DNAH9: variants seen among roughly 807,000 people sequenced by gnomAD.
DNAH9 encodes the protein dynein axonemal heavy chain 9.
Under a neutral mutation model 471.6 loss-of-function variants are expected in DNAH9, and 345 were observed. The observed-to-expected ratio is 0.73, with a 90% CI of 0.67 to 0.80. The LOEUF is 0.80. Ranked by LOEUF, DNAH9 falls within the 30% of genes least tolerant of loss-of-function variation. The pLI, the probability that DNAH9 is intolerant of heterozygous loss-of-function variation, is 0.00. For missense variants in DNAH9, 5,407 were observed against 5,609.2 expected (o/e 0.96, Z 1.15); for synonymous variants, 2,093 against 2,123.6 (o/e 0.99, Z 0.40).
chr17:11,679,104 C>A (rs924587219), intron 17 of DNAH9, among the ~76,000 whole-genome samples: 11 of 151,958 alleles, frequency 7.2e-5, no homozygotes, highest in African/African-American at 2.4e-4. Context: ...ACATTTTAAG[C>A]CTTCTCTTTT....
intron 55 of DNAH9, chr17:11,882,807 G>A (rs1972771871): frequency 2.2e-6 from 1 of 460,426 alleles, no homozygotes; most frequent in Non-Finnish European, 2.9e-6. Flanking sequence ...GTTGGCATCT[G>A]AGCTAATTCC....
intron 61 of DNAH9, among the ~76,000 whole-genome samples, chr17:11,916,443 G>A (rs1385376091): frequency 6.6e-6 from 1 of 152,156 alleles, no homozygotes; most frequent in Non-Finnish European, 1.5e-5. Flanking sequence ...TTGGTGCTTT[G>A]ATTTATTTTC....
At chr17:11,793,740 A>C in intron 42 of DNAH9, 76 bp downstream of exon 42, 5 of 1,223,286 alleles carry the variant, frequency 4.1e-6, no homozygotes, top group Non-Finnish European at 5.7e-6. Context: ...CCCAATGATA[A>C]AATCTAGCTG....
At chr17:11,678,772 G>A (rs796744055) in intron 17 of DNAH9, among the ~76,000 whole-genome samples, 77 of 152,024 alleles carry the variant, frequency 5.1e-4, no homozygotes, top group African/African-American at 1.0e-3. Flanking sequence ...CTTACATTGC[G>A]TGTCTTTCAG....
chr17:11,621,710 A>G (rs906249601), intron 6 of DNAH9, among the ~76,000 whole-genome samples: 1 of 152,312 alleles, frequency 6.6e-6, no homozygotes, highest in Admixed American at 6.5e-5. Context: ...CTGCAGGAGA[A>G]GGAAGACAGA....
At chr17:11,909,098 C>T (rs1488905381) in intron 61 of DNAH9, among the ~76,000 whole-genome samples, 3 of 152,162 alleles carry the variant, frequency 2.0e-5, no homozygotes, top group Admixed American at 2.0e-4. Context: ...TTAATCATTT[C>T]CTTGTGTTGG....
chr17:11,875,278 A>G, intron 53 of DNAH9, 94 bp downstream of exon 53: 1 of 978,242 alleles, frequency 1.0e-6, no homozygotes, highest in Non-Finnish European at 1.5e-6. Flanking sequence ...AATGGTTTGT[A>G]CACTCCTGGT....
intron 17 of DNAH9, among the ~76,000 whole-genome samples, chr17:11,676,634 C>CA (rs563798343): frequency 3.0e-4 from 46 of 151,996 alleles, no homozygotes; most frequent in Admixed American, 1.2e-3. Context: ...TTGCCGGACA[C>CA]AAAAAAACTA....
intron 32 of DNAH9, among the ~76,000 whole-genome samples, chr17:11,748,624 A>G (rs140069179): frequency 6.6e-6 from 1 of 152,124 alleles, no homozygotes; most frequent in East Asian, 1.9e-4. Context: ...CCCTAGAGCC[A>G]TATTCCTTTC....
At chr17:11,880,324 A>G in intron 54 of DNAH9, 124 bp downstream of exon 54, 2 of 1,221,602 alleles carry the variant, frequency 1.6e-6, no homozygotes, top group Non-Finnish European at 2.2e-6. Flanking sequence ...AGCTCCCTGC[A>G]GCACATCCAC....
At chr17:11,886,733 A>T in intron 56 of DNAH9, 92 bp from the exon 57 acceptor site, 1 of 1,474,132 alleles carries the variant, frequency 6.8e-7, no homozygotes, top group Non-Finnish European at 9.1e-7. Context: ...TCCCCTAAGC[A>T]GACGCATGTC....
At position 11,705,104 on chromosome 17, in the gene DNAH9, A is replaced by G. The variant is rs1386642566; in HGVS notation, c.5471A>G (p.Asn1824Ser). ...GACGAGGTCAAACACTGCTTTGCCA[A>G]CATCTGTGATGCCCAGTTTTTGTAT... ...WDDEVKHCFA[N>S]ICDAQFLYSY... Residue 1824 changes from asparagine to serine, a missense_variant, in exon 26 of 69, where the codon AAC becomes AGC. By Grantham distance (46) the Asn-to-Ser change is conservative. Transcript: ENST00000262442. The G allele has an allele frequency of 2.5e-6, 4 of 1,614,188 alleles. No individual in the cohort carries two copies. The highest frequency in any genetic ancestry group is 3.4e-6 in the Non-Finnish European group (4 of 1,179,988).
Position 11,666,896 on chromosome 17 carries a change from T to C in DNAH9, c.2731+1928T>C, listed in dbSNP as rs375305126. ...CAGAGCAGGGGCTTCTATGACATTGTTGAGGGCATTCCCAAGGCTTGGGTT... is the reference window on the plus strand; with the variant it reads ...CAGAGCAGGGGCTTCTATGACATTGCTGAGGGCATTCCCAAGGCTTGGGTT... On this transcript the variant is annotated intron_variant, in intron 15 of 68. Coordinates refer to ENST00000262442, the MANE Select transcript of DNAH9 (RefSeq NM_001372.4). Among the ~76,000 whole-genome samples, 23 of 152,312 alleles carry C rather than the reference T, an allele frequency of 1.5e-4. No homozygotes were observed. The South Asian group carries it at 1.9e-3, about 12-fold the overall frequency.
intron 67 of DNAH9, 108 bp downstream of exon 67, chr17:11,942,593 C>T: frequency 3.3e-6 from 4 of 1,204,004 alleles, no homozygotes; most frequent in Non-Finnish European, 4.5e-6. Flanking sequence ...GAGCAGTTGT[C>T]CTGCAGCATC....
At chr17:11,912,386 G>T (rs549156778) in intron 61 of DNAH9, among the ~76,000 whole-genome samples, 11 of 152,258 alleles carry the variant, frequency 7.2e-5, no homozygotes, top group African/African-American at 9.6e-5. Flanking sequence ...TGTCTTGTTT[G>T]TGATCTAAGG....
chr17:11,745,449 C>T (rs185866338), intron 31 of DNAH9, among the ~76,000 whole-genome samples: 1 of 152,262 alleles, frequency 6.6e-6, no homozygotes, highest in East Asian at 1.9e-4. Context: ...TAGAGACCAG[C>T]AAAAGAGAAC....
At chr17:11,849,613 G>A (rs1313893228) in intron 49 of DNAH9, among the ~76,000 whole-genome samples, 1 of 152,146 alleles carries the variant, frequency 6.6e-6, no homozygotes, top group East Asian at 1.9e-4. Flanking sequence ...CTGTAGAGCT[G>A]GCCATTTCCC....
At chr17:11,678,284 C>CTGACCTTG (rs1340712935) in intron 17 of DNAH9, among the ~76,000 whole-genome samples, 2 of 152,124 alleles carry the variant, frequency 1.3e-5, no homozygotes, top group Non-Finnish European at 2.9e-5. Context: ...TCTTGAACTC[C>CTGACCTTG]TGACCTTGTG....
chr17:11,793,317 C>T (rs540796711), intron 41 of DNAH9, among the ~76,000 whole-genome samples, 186 bp from the exon 42 acceptor site: 1 of 152,286 alleles, frequency 6.6e-6, no homozygotes, highest in African/African-American at 2.4e-5. Flanking sequence ...CTAACTGCAA[C>T]CCTTGGGTCT....
Sources: allele counts gnomAD v4.1 joint callset (sites outside exome capture counted in the v4.1 genomes callset), GRCh38; gene constraint gnomAD v4.1.1; transcripts MANE v1.5; gene names NCBI Gene and HGNC (gene_info 2026-07-23, HGNC 2026-07-21).